The following IRF2 variants were observed in gnomAD, a reference collection of about 807,000 sequenced individuals.
IRF2 encodes interferon regulatory factor 2.
IRF2 carries 15 observed loss-of-function variants against 40.6 expected under a neutral mutation model. The observed-to-expected ratio is 0.37, with a 90% CI of 0.25 to 0.57. The LOEUF (loss-of-function observed/expected upper bound fraction) is 0.57, where lower values mean the gene tolerates loss of function less well. IRF2 is among the 20% of genes least tolerant of loss of function. IRF2 has a pLI of 0.77. For synonymous variants in IRF2, 151 were observed against 165.5 expected (o/e 0.91, Z 0.67); for missense variants, 317 against 455.7 (o/e 0.70, Z 2.77).
intron 1 of IRF2, among the ~76,000 whole-genome samples, chr4:184,462,797 T>G (rs922629951): frequency 4.6e-5 from 7 of 152,218 alleles, no homozygotes; most frequent in African/African-American, 1.7e-4. Context: ...AATCCTAATG[T>G]TTATGTGTTC....
chr4:184,471,246 G>A (rs7681613), intron 1 of IRF2, among the ~76,000 whole-genome samples: 20,674 of 152,116 alleles, frequency 0.14, 1,466 homozygotes, highest in Middle Eastern at 0.19. Context: ...ACGAGATATA[G>A]TTAAAAATTA....
chr4:184,414,808 T>C (rs1468332034), intron 5 of IRF2, among the ~76,000 whole-genome samples: 2 of 152,228 alleles, frequency 1.3e-5, no homozygotes, highest in Non-Finnish European at 2.9e-5. Flanking sequence ...AACTTGAAGA[T>C]TGGGAAAAGC....
chr4:184,459,438 T>C (rs776893931), intron 1 of IRF2, among the ~76,000 whole-genome samples: 15 of 152,200 alleles, frequency 9.9e-5, no homozygotes, highest in East Asian at 1.9e-4. Context: ...TCCAGCATGG[T>C]GCGAGATTCT....
intron 1 of IRF2, among the ~76,000 whole-genome samples, chr4:184,443,098 G>A (rs754837520): frequency 6.6e-6 from 1 of 152,080 alleles, no homozygotes; most frequent in African/African-American, 2.4e-5. Flanking sequence ...GTGAATTTTT[G>A]CATTTTTAGT....
intron 1 of IRF2, among the ~76,000 whole-genome samples, chr4:184,462,287 T>G (rs1739175318): frequency 6.6e-6 from 1 of 152,186 alleles, no homozygotes; most frequent in African/African-American, 2.4e-5. Flanking sequence ...TAGTCTTTAT[T>G]TTTCTAGCTG....
intron 7 of IRF2, among the ~76,000 whole-genome samples, chr4:184,395,947 G>A (rs1439139851): frequency 2.6e-5 from 4 of 152,214 alleles, no homozygotes; most frequent in African/African-American, 7.2e-5. Context: ...ACAGCAAGAA[G>A]AGGTCTTTCC....
intron 1 of IRF2, among the ~76,000 whole-genome samples, chr4:184,471,435 G>C (rs550953317): frequency 6.6e-6 from 1 of 152,286 alleles, no homozygotes; most frequent in African/African-American, 2.4e-5. Flanking sequence ...GATATTTATT[G>C]AGTGTGTACA....
chr4:184,402,888 C>T (rs900789030), intron 6 of IRF2, among the ~76,000 whole-genome samples: 6 of 152,032 alleles, frequency 3.9e-5, no homozygotes, highest in African/African-American at 1.2e-4. Flanking sequence ...TTTATAGGAC[C>T]GTGTGCCTTA....
chr4:184,388,528 G>A lies in IRF2; in HGVS notation c.*230C>T. The A allele has an allele frequency of 1.9e-6, 1 of 529,228 alleles. No individual in the cohort carries two copies. Among genetic ancestry groups the A allele is most frequent in the African/African-American group, 1.9e-5 (1 of 51,452 alleles). The allele number at this position is 529,228 out of a possible 1,614,324, so 32.8% of individuals were successfully genotyped here. On this transcript the variant is annotated 3_prime_UTR_variant, in exon 9 of 9. Coordinates refer to ENST00000393593, the MANE Select transcript of IRF2 (RefSeq NM_002199.4). The surrounding 1 kb of genome is among the most constrained non-coding windows in gnomAD (Gnocchi z 4.6). Reference sequence around the variant, plus strand: ...GTTGGTCCTTGAACTTGAGTGAGTAGCCCTGGGAGATCCAGCAGGCTCTAG... The same window carrying A: ...GTTGGTCCTTGAACTTGAGTGAGTAACCCTGGGAGATCCAGCAGGCTCTAG...
At chr4:184,394,023 T>C (rs1470739300) in intron 7 of IRF2, among the ~76,000 whole-genome samples, 1 of 152,258 alleles carries the variant, frequency 6.6e-6, no homozygotes, top group Non-Finnish European at 1.5e-5. Context: ...TTTTCCCTTT[T>C]GATTAGTTTG....
chr4:184,451,953 C>G (rs527839244), intron 1 of IRF2, among the ~76,000 whole-genome samples: 1 of 152,346 alleles, frequency 6.6e-6, no homozygotes, highest in African/African-American at 2.4e-5. Context: ...AAAGAGGAAG[C>G]CTTTTGACCC....
chr4:184,433,672 G>A lies in IRF2; in HGVS notation c.-6-4602C>T, dbSNP rs66610162. ...GTTTGCTTGGGTTGGTTGGTTGGTT[G>A]GTTTGTTTGTAGCTAGGACATCTCC... On this transcript the variant is annotated intron_variant, in intron 1 of 8. Coordinates refer to ENST00000393593, the MANE Select transcript of IRF2 (RefSeq NM_002199.4). 8.6e-5 allele frequency among the ~76,000 whole-genome samples: 12 copies of A among 140,006 alleles called. No individual in the cohort carries two copies. The South Asian group carries it at 2.8e-3, about 32-fold the overall frequency. The allele number at this position is 140,006 out of a possible 152,430, so 91.8% of individuals were successfully genotyped here.
chr4:184,423,320 G>A (rs2149901992), intron 2 of IRF2, among the ~76,000 whole-genome samples: 1 of 152,304 alleles, frequency 6.6e-6, no homozygotes, highest in East Asian at 1.9e-4. Context: ...CCCATCTGAA[G>A]GAAGGCAGGA....
At chr4:184,429,595 A>C (rs1423586901) in intron 1 of IRF2, among the ~76,000 whole-genome samples, 1 of 152,200 alleles carries the variant, frequency 6.6e-6, no homozygotes, top group Non-Finnish European at 1.5e-5. Flanking sequence ...TGGCTTTCCC[A>C]AAGTTTTCCA....
At chr4:184,434,959 C>T (rs1344796072) in intron 1 of IRF2, among the ~76,000 whole-genome samples, 6 of 152,108 alleles carry the variant, frequency 3.9e-5, no homozygotes, top group Non-Finnish European at 8.8e-5. Context: ...TGAGGTGGGA[C>T]AATCACTTGA....
At chr4:184,434,993 G>A (rs984682113) in intron 1 of IRF2, among the ~76,000 whole-genome samples, 1 of 152,170 alleles carries the variant, frequency 6.6e-6, no homozygotes, top group Non-Finnish European at 1.5e-5. Flanking sequence ...AGGCTGCAGT[G>A]AGCCATGATC....
At chr4:184,439,698 G>C (rs537410218) in intron 1 of IRF2, among the ~76,000 whole-genome samples, 1 of 152,120 alleles carries the variant, frequency 6.6e-6, no homozygotes, top group Non-Finnish European at 1.5e-5. Flanking sequence ...TTTCCTATTA[G>C]GCACGTTTTC....
intron 5 of IRF2, 61 bp downstream of exon 5, chr4:184,418,106 A>T (rs1737348717): frequency 8.0e-7 from 1 of 1,247,368 alleles, no homozygotes; most frequent in Non-Finnish European, 1.2e-6. Context: ...TTTACAAGGC[A>T]GAATATGAGT....
At position 184,408,228 on chromosome 4, in the gene IRF2, A is replaced by G. The variant is rs767335959; in HGVS notation, c.459T>C (p.Asp153=). 22 of 1,613,244 alleles carry G rather than the reference A, an allele frequency of 1.4e-5. No homozygotes were observed. Among genetic ancestry groups the G allele is most frequent in the East Asian group, 1.3e-4 (6 of 44,906 alleles). ...SSLGLSNGVS[D]LSPEYAVLTS... ...TCAGGACCGCATACTCAGGAGAAAG[A>G]TCACTTACTCCATTACTAAGCCCCA... The change falls in exon 6 of 9, where the codon GAT becomes GAC. Residue 153 remains aspartate, a synonymous_variant. Transcript: ENST00000393593. The surrounding 1 kb of genome is among the most constrained non-coding windows in gnomAD (Gnocchi z 4.9).
Sources: allele counts gnomAD v4.1 joint callset (sites outside exome capture counted in the v4.1 genomes callset), GRCh38; gene constraint gnomAD v4.1.1; non-coding constraint Gnocchi (gnomAD v3.1); transcripts MANE v1.5; gene names NCBI Gene and HGNC (gene_info 2026-07-23, HGNC 2026-07-21).